PPARGC1A: variants seen among roughly 807,000 people sequenced by gnomAD.
The protein encoded by PPARGC1A is peroxisome proliferator-activated receptor gamma coactivator 1-alpha.
Under a neutral mutation model 88.7 loss-of-function variants are expected in PPARGC1A, and 25 were observed. That is an observed-to-expected ratio of 0.28 (90% CI 0.21 to 0.39). The LOEUF is 0.39. PPARGC1A is among the 10% of genes least tolerant of loss of function. The pLI is 1.00. For synonymous variants in PPARGC1A, 363 were observed against 355.6 expected (o/e 1.02, Z -0.24); for missense variants, 880 against 968.7 (o/e 0.91, Z 1.22).
At chr4:24,366,364 G>A in the PPARGC1A span, among the ~76,000 whole-genome samples, 4 of 152,140 alleles carry the variant, frequency 2.6e-5, no homozygotes, top group African/African-American at 9.7e-5. Context: ...TTCAATTTAT[G>A]TGGGAGCTGA....
chr4:24,365,163 A>G, the PPARGC1A span, among the ~76,000 whole-genome samples: 2 of 152,188 alleles, frequency 1.3e-5, no homozygotes, highest in Non-Finnish European at 2.9e-5. Context: ...GAAAAAAAAA[A>G]AAAAGAAAAA....
the PPARGC1A span, among the ~76,000 whole-genome samples, chr4:24,297,074 AAGAGAAGAC>A: frequency 4.1e-3 from 625 of 152,326 alleles, 28 homozygotes; most frequent in South Asian, 0.078. Flanking sequence ...AAGCACCATA[AAGAGAAGAC>A]AGTAAAGAAG....
chr4:23,872,130 T>C (rs1713506805), intron 2 of PPARGC1A, among the ~76,000 whole-genome samples: 1 of 152,138 alleles, frequency 6.6e-6, no homozygotes, highest in Non-Finnish European at 1.5e-5. Flanking sequence ...TGTCAGTCCT[T>C]CCAGCTGGAC....
the PPARGC1A span, among the ~76,000 whole-genome samples, chr4:23,951,221 C>A: frequency 6.6e-6 from 1 of 152,010 alleles, no homozygotes; most frequent in Admixed American, 6.6e-5. Context: ...GGATGGTTTC[C>A]TATGAAGAAT....
At chr4:24,120,972 C>T in the PPARGC1A span, among the ~76,000 whole-genome samples, 1 of 152,208 alleles carries the variant, frequency 6.6e-6, no homozygotes, top group Non-Finnish European at 1.5e-5. Flanking sequence ...GACTTCTCTG[C>T]TCAGTGGCTT....
the PPARGC1A span, among the ~76,000 whole-genome samples, chr4:24,098,253 A>G: frequency 6.6e-6 from 1 of 152,260 alleles, no homozygotes; most frequent in Non-Finnish European, 1.5e-5. Context: ...GCTATGGCTT[A>G]CATGGGAAAA....
the PPARGC1A span, among the ~76,000 whole-genome samples, chr4:24,183,744 T>A: frequency 6.6e-6 from 1 of 152,188 alleles, no homozygotes; most frequent in Non-Finnish European, 1.5e-5. Context: ...GAACATCTGA[T>A]CTTGAAAAGG....
the PPARGC1A span, among the ~76,000 whole-genome samples, chr4:24,076,707 A>G: frequency 1.3e-5 from 2 of 152,132 alleles, no homozygotes; most frequent in African/African-American, 4.8e-5. Context: ...TGCAAATTAT[A>G]GTAGCCCATC....
At chr4:24,282,913 G>A in the PPARGC1A span, among the ~76,000 whole-genome samples, 20 of 152,104 alleles carry the variant, frequency 1.3e-4, no homozygotes, top group African/African-American at 3.9e-4. Context: ...ATAAGCGGGC[G>A]ATTAACAGAA....
upstream of PPARGC1A, among the ~76,000 whole-genome samples, chr4:23,891,707 G>C (rs928198882): frequency 1.3e-5 from 2 of 152,150 alleles, no homozygotes; most frequent in Non-Finnish European, 2.9e-5. Flanking sequence ...GACATTTTAA[G>C]TTTGCTGAAT....
chr4:24,453,362 TAAG>T, the PPARGC1A span, among the ~76,000 whole-genome samples: 2 of 152,328 alleles, frequency 1.3e-5, no homozygotes, highest in East Asian at 3.9e-4. Flanking sequence ...TGGCTGAAGA[TAAG>T]AACAAGTAAG....
chr4:23,833,354 C>T (rs557118878), intron 2 of PPARGC1A, among the ~76,000 whole-genome samples: 1 of 152,178 alleles, frequency 6.6e-6, no homozygotes, highest in Non-Finnish European at 1.5e-5. Context: ...GGACCATTTT[C>T]TTTTCCTTCT....
At chr4:24,128,943 T>C in the PPARGC1A span, among the ~76,000 whole-genome samples, 5 of 152,148 alleles carry the variant, frequency 3.3e-5, no homozygotes, top group African/African-American at 1.2e-4. Flanking sequence ...CACCCTTCAC[T>C]CTCTGAGTAG....
At chr4:24,411,354 T>C in the PPARGC1A span, among the ~76,000 whole-genome samples, 1 of 152,232 alleles carries the variant, frequency 6.6e-6, no homozygotes, top group Non-Finnish European at 1.5e-5. Flanking sequence ...TATTTTTCAA[T>C]AGGTTTTATA....
chr4:24,470,755 G>A, the PPARGC1A span, among the ~76,000 whole-genome samples: 2 of 151,470 alleles, frequency 1.3e-5, no homozygotes, highest in Non-Finnish European at 2.9e-5. This position sits in a 1 kb window ranked among gnomAD's most constrained non-coding sequence, Gnocchi z 5.8. Context: ...AGAGCTCGCC[G>A]CCGCCTCCCG....
chr4:23,850,879 C>T (rs573747689), intron 2 of PPARGC1A, among the ~76,000 whole-genome samples: 1 of 152,228 alleles, frequency 6.6e-6, no homozygotes, highest in East Asian at 1.9e-4. Context: ...CCTAACTTAT[C>T]CAGAACATTT....
At chr4:24,266,724 C>G in the PPARGC1A span, among the ~76,000 whole-genome samples, 1 of 152,092 alleles carries the variant, frequency 6.6e-6, no homozygotes, top group Non-Finnish European at 1.5e-5. Flanking sequence ...CTCCAGGCTG[C>G]AAAGATCCTG....
the PPARGC1A span, among the ~76,000 whole-genome samples, chr4:24,327,024 T>C: frequency 1.1e-4 from 17 of 152,298 alleles, no homozygotes; most frequent in Admixed American, 1.3e-4. Context: ...CAAGCATTTT[T>C]TCAGGCTCTT....
chr4:24,297,640 A>T, the PPARGC1A span, among the ~76,000 whole-genome samples: 1 of 152,162 alleles, frequency 6.6e-6, no homozygotes, highest in African/African-American at 2.4e-5. Flanking sequence ...ACCAAAAAAT[A>T]ACACTTCATC....
Sources: allele counts gnomAD v4.1 joint callset (sites outside exome capture counted in the v4.1 genomes callset), GRCh38; gene constraint gnomAD v4.1.1; non-coding constraint Gnocchi (gnomAD v3.1); transcripts MANE v1.5; gene names NCBI Gene and HGNC (gene_info 2026-07-23, HGNC 2026-07-21).